The following UTRN variants were observed in gnomAD, a reference collection of about 807,000 sequenced individuals.
UTRN encodes the protein dystrophin-related protein 1.
Under a neutral mutation model 463.9 loss-of-function variants are expected in UTRN, and 283 were observed. That is an observed-to-expected ratio of 0.61 (90% CI 0.55 to 0.67). The LOEUF is 0.67. Ranked by LOEUF, UTRN falls within the 30% of genes least tolerant of loss-of-function variation. The pLI is 0.00. For synonymous variants in UTRN, 1,442 were observed against 1,431.5 expected, an observed-to-expected ratio of 1.01 and a Z score of -0.17; for missense variants, 3,922 against 4,084.3, an observed-to-expected ratio of 0.96 and a Z score of 1.08.
intron 51 of UTRN, among the ~76,000 whole-genome samples, chr6:144,598,607 G>A (rs188783974): frequency 3.0e-4 from 45 of 152,284 alleles, no homozygotes; most frequent in African/African-American, 1.1e-3. Context: ...CAGCTTTGCA[G>A]GGGTATTTCA....
At chr6:144,741,516 C>T (rs938618341) in intron 54 of UTRN, among the ~76,000 whole-genome samples, 1 of 152,112 alleles carries the variant, frequency 6.6e-6, no homozygotes. Context: ...ACTCGGGATA[C>T]AGTAGTAGGC....
At chr6:144,635,530 C>CTTTTTTTTTTTTT (rs1562685915) in intron 51 of UTRN, among the ~76,000 whole-genome samples, 6 of 59,092 alleles carry the variant, frequency 1.0e-4, no homozygotes, top group Non-Finnish European at 1.7e-4. Flanking sequence ...TTTTTTTTTT[C>CTTTTTTTTTTTTT]TTTTCTTTTT....
intron 8 of UTRN, among the ~76,000 whole-genome samples, chr6:144,429,155 A>G (rs556449103): frequency 6.6e-6 from 1 of 152,344 alleles, no homozygotes; most frequent in Non-Finnish European, 1.5e-5. Context: ...AAGTTTTAAG[A>G]AAATGTAATT....
chr6:144,449,562 A>G (rs1788048507), intron 17 of UTRN, among the ~76,000 whole-genome samples: 1 of 152,214 alleles, frequency 6.6e-6, no homozygotes, highest in Admixed American at 6.5e-5. Context: ...AATATTAAAT[A>G]GAAAGCTGCT....
chr6:144,840,194 A>C (rs536189474), intron 72 of UTRN, among the ~76,000 whole-genome samples: 30 of 151,996 alleles, frequency 2.0e-4, no homozygotes, highest in African/African-American at 6.7e-4. Flanking sequence ...AAAAATATAT[A>C]TATTAAAATA....
chr6:144,564,619 G>A (rs1800237540), intron 50 of UTRN, among the ~76,000 whole-genome samples: 1 of 152,282 alleles, frequency 6.6e-6, no homozygotes, highest in East Asian at 1.9e-4. Context: ...GGCGGAAGGT[G>A]AAGGGGAAGC....
At chr6:144,685,421 T>C (rs1309612822) in intron 52 of UTRN, among the ~76,000 whole-genome samples, 1 of 152,216 alleles carries the variant, frequency 6.6e-6, no homozygotes, top group Admixed American at 6.5e-5. Flanking sequence ...GATCACATAG[T>C]GGATGTACTT....
rs139724348 is a variant in UTRN at position 144,774,147 on chromosome 6, G to A, written c.8558-143G>A. 7.1e-5 allele frequency: 54 copies of A among 761,000 alleles called. 1 individual carries two copies. The highest frequency in any genetic ancestry group is 1.8e-4 in the South Asian group (10 of 55,606). The allele number at this position is 761,000 out of a possible 1,614,324, so 47.1% of individuals were successfully genotyped here. A position where few individuals can be genotyped will look rare whatever the true frequency, so the allele number is the denominator to read the frequency against. On this transcript the variant is annotated intron_variant, in intron 59 of 74. Coordinates refer to ENST00000367545, the MANE Select transcript of UTRN (RefSeq NM_007124.3). Reference sequence around the variant, plus strand: ...ATCATTTAACTTTTTTCTTAAATACGTGTTGGGGAATTTGGGAGAAGACTT... The same window carrying A: ...ATCATTTAACTTTTTTCTTAAATACATGTTGGGGAATTTGGGAGAAGACTT...
intron 3 of UTRN, among the ~76,000 whole-genome samples, chr6:144,410,576 C>T (rs563761089): frequency 6.6e-6 from 1 of 151,512 alleles, no homozygotes; most frequent in East Asian, 2.0e-4. Context: ...CCCACTCCCA[C>T]CTGCACCCCC....
chr6:144,690,101 G>T (rs867589538), intron 52 of UTRN, among the ~76,000 whole-genome samples: 3,216 of 44,606 alleles, frequency 0.072, 70 homozygotes, highest in African/African-American at 0.083. Context: ...TTTTTTGTGT[G>T]TGTGTGTGTG....
At chr6:144,649,874 A>G (rs1374129565) in intron 51 of UTRN, among the ~76,000 whole-genome samples, 4 of 152,190 alleles carry the variant, frequency 2.6e-5, no homozygotes, top group Non-Finnish European at 5.9e-5. Context: ...TTTGTCATGC[A>G]GCATACAGAA....
At chr6:144,348,173 C>G (rs1049224036) in intron 2 of UTRN, among the ~76,000 whole-genome samples, 5 of 152,066 alleles carry the variant, frequency 3.3e-5, no homozygotes, top group African/African-American at 1.2e-4. Flanking sequence ...GAGCTCAAGT[C>G]TTTTGTGTTG....
chr6:144,548,495 A>G (rs1483052650), intron 46 of UTRN, 145 bp from the exon 47 acceptor site: 4 of 707,404 alleles, frequency 5.7e-6, no homozygotes. Context: ...TACCATAGCC[A>G]TTTCAGTATG....
intron 51 of UTRN, among the ~76,000 whole-genome samples, chr6:144,595,209 T>A (rs1803516614): frequency 6.6e-6 from 1 of 152,218 alleles, no homozygotes; most frequent in African/African-American, 2.4e-5. Context: ...ATTCCACATA[T>A]TTTAGAAAGC....
intron 65 of UTRN, among the ~76,000 whole-genome samples, chr6:144,814,728 G>T (rs546375631): frequency 6.6e-6 from 1 of 152,240 alleles, no homozygotes; most frequent in Non-Finnish European, 1.5e-5. Flanking sequence ...TAATCATGTG[G>T]GTGGTAGTAT....
chr6:144,654,419 T>C (rs1779127089), intron 51 of UTRN, among the ~76,000 whole-genome samples: 1 of 152,242 alleles, frequency 6.6e-6, no homozygotes, highest in Non-Finnish European at 1.5e-5. Context: ...ATTCAGATTA[T>C]AGTAACAATG....
At chr6:144,553,794 C>A (rs1365682210) in intron 48 of UTRN, among the ~76,000 whole-genome samples, 2 of 151,790 alleles carry the variant, frequency 1.3e-5, no homozygotes, top group African/African-American at 4.8e-5. Flanking sequence ...CCTATAGTCC[C>A]AGCTACATGG....
chr6:144,462,365 T>G (rs1789511457), intron 22 of UTRN, among the ~76,000 whole-genome samples: 1 of 152,196 alleles, frequency 6.6e-6, no homozygotes, highest in Admixed American at 6.5e-5. Context: ...TGTGCTGCAA[T>G]GAACATAGTG....
rs771135145 is a variant in UTRN, at chr6:144,774,348, A to G, written c.8616A>G (p.Leu2872=). ...AYRTAIKIRR[L]QKALCLDLLE... The stretch of plus-strand genomic sequence containing the variant: ...GTACAGCAATCAAAATCCGAAGACT[A>G]CAAAAAGCACTATGTTGTGAGTTAT... The change falls in exon 60 of 75, where the codon CTA becomes CTG. Residue 2872 remains leucine (L), a synonymous_variant. Coordinates refer to ENST00000367545, the MANE Select transcript of UTRN (RefSeq NM_007124.3). 2 of 1,602,256 alleles carry G rather than the reference A, an allele frequency of 1.2e-6. No homozygotes were observed. The highest frequency in any genetic ancestry group is 2.2e-5 in the East Asian group (1 of 44,518).
Sources: allele counts gnomAD v4.1 joint callset (sites outside exome capture counted in the v4.1 genomes callset), GRCh38; gene constraint gnomAD v4.1.1; transcripts MANE v1.5; gene names NCBI Gene and HGNC (gene_info 2026-07-23, HGNC 2026-07-21).